The following SHISA6 variants were observed in gnomAD, a reference collection of about 807,000 sequenced individuals.
The protein encoded by SHISA6 is shisa family member 6, also known as protein shisa-6.
A neutral mutation model predicts 47.9 loss-of-function variants in SHISA6; 22 were observed. The ratio of observed to expected loss-of-function variants is 0.46; its 90% confidence interval spans 0.33 to 0.66. The LOEUF (loss-of-function observed/expected upper bound fraction) is 0.66, where lower values mean the gene tolerates loss of function less well. SHISA6 is among the 30% of genes least tolerant of loss of function. The pLI is 0.02. For missense variants in SHISA6, 680 were observed against 764.6 expected, an observed-to-expected ratio of 0.89 and a Z score of 1.30; for synonymous variants, 388 against 337.8, an observed-to-expected ratio of 1.15 and a Z score of -1.63.
intron 3 of SHISA6, among the ~76,000 whole-genome samples, chr17:11,501,802 G>A (rs935879885): frequency 1.3e-5 from 2 of 152,026 alleles, no homozygotes; most frequent in African/African-American, 4.8e-5. Context: ...GGTGCCAGTG[G>A]TACCCTGCCT....
intron 2 of SHISA6, among the ~76,000 whole-genome samples, chr17:11,273,101 T>C (rs551135404): frequency 1.3e-5 from 2 of 152,328 alleles, no homozygotes; most frequent in South Asian, 4.1e-4. Flanking sequence ...CTAATTCTTG[T>C]AACAAGCCCA....
chr17:11,549,118 G>A (rs1239695826), intron 3 of SHISA6, among the ~76,000 whole-genome samples: 1 of 152,130 alleles, frequency 6.6e-6, no homozygotes, highest in Non-Finnish European at 1.5e-5. Flanking sequence ...ACTACAGTCT[G>A]TACAAAATGA....
At chr17:11,321,237 G>A (rs144621960) in intron 2 of SHISA6, among the ~76,000 whole-genome samples, 184 of 152,282 alleles carry the variant, frequency 1.2e-3, no homozygotes, top group Non-Finnish European at 1.5e-3. Context: ...TATATGTATC[G>A]TATGTATCAG....
chr17:11,494,902 G>A (rs890605877), intron 3 of SHISA6, among the ~76,000 whole-genome samples: 31 of 152,204 alleles, frequency 2.0e-4, no homozygotes, highest in African/African-American at 7.0e-4. Context: ...GTCTGGAGTC[G>A]GGAGCCAGCC....
chr17:11,449,171 G>C (rs985637593), intron 3 of SHISA6, among the ~76,000 whole-genome samples: 1 of 152,146 alleles, frequency 6.6e-6, no homozygotes, highest in African/African-American at 2.4e-5. Flanking sequence ...GCTGGGCGTG[G>C]TGGCTCATGC....
intron 3 of SHISA6, among the ~76,000 whole-genome samples, chr17:11,435,129 C>CTT (rs71726712): frequency 4.6e-5 from 7 of 151,504 alleles, no homozygotes; most frequent in Admixed American, 1.3e-4. Flanking sequence ...TTCTCTCTCT[C>CTT]TCTGTTTCCC....
intron 2 of SHISA6, among the ~76,000 whole-genome samples, chr17:11,327,580 T>G (rs1910943006): frequency 6.6e-6 from 1 of 152,176 alleles, no homozygotes; most frequent in Admixed American, 6.5e-5. Context: ...GTGGATCACT[T>G]GAGGCCAGGA....
At chr17:11,530,671 G>A (rs928009969) in intron 3 of SHISA6, among the ~76,000 whole-genome samples, 1 of 152,174 alleles carries the variant, frequency 6.6e-6, no homozygotes, top group African/African-American at 2.4e-5. Flanking sequence ...AGAACACCAT[G>A]TTATAAAGTT....
chr17:11,361,836 G>C (rs1371417780), intron 2 of SHISA6, among the ~76,000 whole-genome samples: 1 of 152,180 alleles, frequency 6.6e-6, no homozygotes, highest in Non-Finnish European at 1.5e-5. Context: ...ACAGTAAGTA[G>C]TATTACATGT....
At chr17:11,453,348 G>A (rs905547705) in intron 3 of SHISA6, among the ~76,000 whole-genome samples, 3 of 152,156 alleles carry the variant, frequency 2.0e-5, no homozygotes, top group Non-Finnish European at 4.4e-5. Flanking sequence ...GAGCTCTTCT[G>A]TCTCCCACCC....
At chr17:11,316,568 G>C (rs182409440) in intron 2 of SHISA6, among the ~76,000 whole-genome samples, 1 of 151,538 alleles carries the variant, frequency 6.6e-6, no homozygotes, top group Non-Finnish European at 1.5e-5. Flanking sequence ...TTACAGGTGC[G>C]TGCCACCACG....
At chr17:11,247,598 T>C (rs1907640004) in intron 1 of SHISA6, among the ~76,000 whole-genome samples, 1 of 152,160 alleles carries the variant, frequency 6.6e-6, no homozygotes, top group Non-Finnish European at 1.5e-5. Flanking sequence ...GTAAGATGTC[T>C]CAGATTGGTT....
At chr17:11,296,989 G>A (rs962176990) in intron 2 of SHISA6, among the ~76,000 whole-genome samples, 4 of 152,200 alleles carry the variant, frequency 2.6e-5, no homozygotes, top group Non-Finnish European at 5.9e-5. Flanking sequence ...CTCAGAAAGA[G>A]CAGTCCCACT....
In SHISA6 at chr17:11,408,514, G is replaced by A. The variant is rs573614104; in HGVS notation, c.895+29005G>A. The stretch of plus-strand genomic sequence containing the variant: ...AAAACATGCTTCCTAATATATGACC[G>A]TACCAAAATTGATGCAGAGGATACA... On this transcript the variant is annotated intron_variant, in intron 3 of 5. Transcript: ENST00000441885. Among the ~76,000 whole-genome samples the A allele has an allele frequency of 1.6e-3, 238 of 152,278 alleles. 1 individual carries two copies. The highest frequency in any genetic ancestry group is 2.6e-3 in the Non-Finnish European group (174 of 68,014).
intron 3 of SHISA6, among the ~76,000 whole-genome samples, chr17:11,543,199 T>C (rs959852473): frequency 5.3e-5 from 8 of 152,210 alleles, no homozygotes; most frequent in Admixed American, 3.9e-4. Flanking sequence ...TTAAAAGACA[T>C]AAAAGTATAT....
Position 11,512,331 on chromosome 17 carries a change from G to A in SHISA6, c.896-39565G>A, listed in dbSNP as rs1012942013. ...TGGTTCCTTTTTGCCTTAGCTCCCC[G>A]TACAGGACACTTATAGACAAGTACA... On this transcript the variant is annotated intron_variant, in intron 3 of 5. Transcript: ENST00000441885. 7.2e-5 allele frequency among the ~76,000 whole-genome samples: 11 copies of A among 152,166 alleles called. No individual in the cohort carries two copies. The South Asian group carries it at 1.0e-3, about 14-fold the overall frequency.
chr17:11,424,556 C>CT (rs2142284433), intron 3 of SHISA6, among the ~76,000 whole-genome samples: 1 of 151,818 alleles, frequency 6.6e-6, no homozygotes, highest in African/African-American at 2.4e-5. Context: ...AAGCCCAATA[C>CT]TGAAGTATCA....
rs1359767001 is a variant in SHISA6 at position 11,339,616 on chromosome 17, C to T, written c.800-39798C>T. Reference sequence around the variant, plus strand: ...TAAGACATAAAAGCATAAAAGCTGCCTCGACATGCCACATTTAGAAAGACT... The same window carrying T: ...TAAGACATAAAAGCATAAAAGCTGCTTCGACATGCCACATTTAGAAAGACT... On this transcript the variant is annotated intron_variant, in intron 2 of 5. Transcript: ENST00000441885. Among the ~76,000 whole-genome samples, 27 of 152,142 alleles carry T rather than the reference C, an allele frequency of 1.8e-4. 1 individual carries two copies. Among genetic ancestry groups the T allele is most frequent in the Admixed American group, 1.8e-3 (27 of 15,270 alleles).
At chr17:11,396,725 C>T (rs1913582556) in intron 3 of SHISA6, among the ~76,000 whole-genome samples, 1 of 152,096 alleles carries the variant, frequency 6.6e-6, no homozygotes, top group South Asian at 2.1e-4. Context: ...GGGAACATCA[C>T]ACACCAGGGC....
Sources: allele counts gnomAD v4.1 joint callset (sites outside exome capture counted in the v4.1 genomes callset), GRCh38; gene constraint gnomAD v4.1.1; transcripts MANE v1.5; gene names NCBI Gene and HGNC (gene_info 2026-07-23, HGNC 2026-07-21).